CEP68: variants seen among roughly 807,000 people sequenced by gnomAD.
The protein encoded by CEP68 is centrosomal protein of 68 kDa.
Under a neutral mutation model 55.3 loss-of-function variants are expected in CEP68, and 26 were observed. The ratio of observed to expected loss-of-function variants is 0.47; its 90% CI spans 0.34 to 0.65. The LOEUF (loss-of-function observed/expected upper bound fraction) is 0.65. Ranked by LOEUF, CEP68 falls within the 30% of genes least tolerant of loss-of-function variation. The probability of loss-of-function intolerance (pLI) is 0.01; values close to 1 mark genes in which losing one functional copy is unlikely to be tolerated. For synonymous variants in CEP68, 402 were observed against 383.2 expected (o/e 1.05, Z -0.57); for missense variants, 957 against 946.7 (o/e 1.01, Z -0.14).
chr2:65,061,429 C>T (rs1675910207), intron 1 of CEP68, among the ~76,000 whole-genome samples: 1 of 152,238 alleles, frequency 6.6e-6, no homozygotes. Context: ...CTTCCAGAAG[C>T]AGCCCTGGGG....
At chr2:65,062,978 C>A (rs1294955769) in intron 1 of CEP68, among the ~76,000 whole-genome samples, 1 of 152,218 alleles carries the variant, frequency 6.6e-6, no homozygotes, top group African/African-American at 2.4e-5. Context: ...CCTCCTCTCT[C>A]CATCTTGGAC....
In CEP68 at chr2:65,071,622, T is replaced by C; in HGVS notation, c.526T>C (p.Ser176Pro). 6.2e-7 allele frequency: 1 copy of C among 1,614,172 alleles called. No individual in the cohort carries two copies. Among genetic ancestry groups the C allele is most frequent in the Non-Finnish European group, 8.5e-7 (1 of 1,180,034 alleles). Residue 176 changes from serine (S) to proline (P), a missense_variant, in exon 3 of 7, where the codon TCT becomes CCT. Physicochemically the swap from Ser to Pro is moderately conservative, Grantham distance 74. Coordinates refer to ENST00000377990, the MANE Select transcript of CEP68 (RefSeq NM_015147.3). The stretch of plus-strand genomic sequence containing the variant: ...CCAGCAGCCTCACAGCTCAGGTCTC[T>C]CTTGCCTGTCACAGTGGAAGTCCGT... ...LSQQPHSSGL[S>P]CLSQWKSVLS...
At chr2:65,074,934 T>G (rs990687574) in intron 4 of CEP68, 1 of 200,160 alleles carries the variant, frequency 5.0e-6, no homozygotes, top group African/African-American at 2.4e-5. Context: ...TCAGATTTTT[T>G]TATTTGCACT....
rs755715734 is a variant in CEP68, at chr2:65,071,546, T to C, written c.450T>C (p.Asp150=). ...TTTICSGHDA[D]TEDDPSLADL... Reference sequence around the variant, plus strand: ...CTATTTGCTCAGGACATGATGCTGATACCGAAGATGATCCATCCCTAGCAG... The same window carrying C: ...CTATTTGCTCAGGACATGATGCTGACACCGAAGATGATCCATCCCTAGCAG... Residue 150 remains aspartate (D), a synonymous_variant, in exon 3 of 7, where the codon GAT becomes GAC. Transcript: ENST00000377990. 6.2e-7 allele frequency: 1 copy of C among 1,614,204 alleles called. No individual in the cohort carries two copies. The highest frequency in any genetic ancestry group is 2.2e-5 in the East Asian group (1 of 44,884).
intron 2 of CEP68, 37 bp downstream of exon 2, chr2:65,069,838 C>A: frequency 6.5e-7 from 1 of 1,544,856 alleles, no homozygotes; most frequent in Non-Finnish European, 8.9e-7. Context: ...GGACCCATTG[C>A]TGTCCTTTGG....
intron 1 of CEP68, among the ~76,000 whole-genome samples, chr2:65,066,138 A>G (rs1382785414): frequency 6.6e-6 from 1 of 152,142 alleles, no homozygotes; most frequent in East Asian, 1.9e-4. Flanking sequence ...AGGACCATGT[A>G]GTCAGCCCCA....
chr2:65,084,198 CTT>C lies in CEP68; in HGVS notation c.*566_*567del, dbSNP rs1422330814. The C allele has an allele frequency of 2.0e-5, 3 of 152,204 alleles. No homozygotes were observed. Among genetic ancestry groups the C allele is most frequent in the Non-Finnish European group, 4.4e-5 (3 of 68,034 alleles). 9.4% of individuals were successfully genotyped at this position (152,204 alleles called of 1,614,324 possible). Reference sequence around the variant, plus strand: ...TTAAATGAAGCATCTATACAGATGACTTTGGGAGATTATGACACCTTTTGCCA... The same window carrying C: ...TTAAATGAAGCATCTATACAGATGACTGGGAGATTATGACACCTTTTGCCA... On this transcript the variant is annotated 3_prime_UTR_variant, in exon 7 of 7. Transcript: ENST00000377990.
rs1333360913 is a variant in CEP68, at chr2:65,072,332, G to A, written c.1236G>A (p.Glu412=). ...RAPGSRDARW[E]RREPALRGAK... is the part of the protein sequence containing the mutation. Reference sequence around the variant, plus strand: ...CAGGCAGTAGGGATGCTCGTTGGGAGCGCAGAGAGCCAGCCCTGAGGGGTG... The same window carrying A: ...CAGGCAGTAGGGATGCTCGTTGGGAACGCAGAGAGCCAGCCCTGAGGGGTG... Residue 412 remains glutamate (E), a synonymous_variant, in exon 3 of 7, where the codon GAG becomes GAA. Coordinates refer to ENST00000377990, the MANE Select transcript of CEP68 (RefSeq NM_015147.3). The A allele has an allele frequency of 5.0e-6, 8 of 1,614,014 alleles. No individual in the cohort carries two copies. Among genetic ancestry groups the A allele is most frequent in the African/African-American group, 1.3e-5 (1 of 75,042 alleles).
rs773455676 is a variant in CEP68 at position 65,072,029 on chromosome 2, C to A, written c.933C>A (p.Pro311=). 1 of 1,613,484 alleles carries A rather than the reference C, an allele frequency of 6.2e-7. No homozygotes were observed. The highest frequency in any genetic ancestry group is 8.5e-7 in the Non-Finnish European group (1 of 1,179,986). The change falls in exon 3 of 7, where the codon CCC becomes CCA. Residue 311 remains proline, a synonymous_variant. Coordinates refer to ENST00000377990, the MANE Select transcript of CEP68 (RefSeq NM_015147.3). ...TTGACTATACTTACCCACTGAGGCCCGGGCCTCAGCTCCCAAAGCACCTTG... is the reference window on the plus strand; with the variant it reads ...TTGACTATACTTACCCACTGAGGCCAGGGCCTCAGCTCCCAAAGCACCTTG... ...DLLDYTYPLR[P]GPQLPKHLDS... is the part of the protein sequence containing the mutation.
rs895246837 is a variant in CEP68, at chr2:65,086,579, C to T, written c.*2945C>T. Reference sequence around the variant, plus strand: ...TCATCTTAAGTTCATGTAATGTTTCCGCTAACTCACCAAGAATAAGCTGAC... The same window carrying T: ...TCATCTTAAGTTCATGTAATGTTTCTGCTAACTCACCAAGAATAAGCTGAC... On this transcript the variant is annotated 3_prime_UTR_variant, in exon 7 of 7. Coordinates refer to ENST00000377990, the MANE Select transcript of CEP68 (RefSeq NM_015147.3). The T allele has an allele frequency of 3.3e-5, 5 of 151,992 alleles. No individual in the cohort carries two copies. Among genetic ancestry groups the T allele is most frequent in the African/African-American group, 9.7e-5 (4 of 41,350 alleles). 9.4% of individuals were successfully genotyped at this position (151,992 alleles called of 1,614,324 possible). A position where few individuals can be genotyped will look rare whatever the true frequency, so the allele number is the denominator to read the frequency against.
chr2:65,074,956 G>C (rs185400925), intron 4 of CEP68: 16 of 193,846 alleles, frequency 8.3e-5, no homozygotes, highest in Non-Finnish European at 1.7e-4. Flanking sequence ...GCCACATTCT[G>C]CATGTTCAAC....
chr2:65,082,425 T>G, intron 5 of CEP68, 111 bp from the exon 6 acceptor site: 1 of 893,442 alleles, frequency 1.1e-6, no homozygotes, highest in Admixed American at 3.9e-5. Flanking sequence ...TACTGCCAGG[T>G]CCTACTTTGT....
In CEP68 at chr2:65,072,603, T is replaced by A. The variant is rs1306869342; in HGVS notation, c.1507T>A (p.Ser503Thr). ...CCTGGTTTCGTATCTAGGATCCATTTCTACCTTGGTTACCCTGCCCACTGG... is the reference window on the plus strand; with the variant it reads ...CCTGGTTTCGTATCTAGGATCCATTACTACCTTGGTTACCCTGCCCACTGG... The part of the protein sequence containing the change: ...SSLVSYLGSI[S>T]TLVTLPTGDI... Residue 503 changes from serine (S) to threonine (T), a missense_variant, in exon 3 of 7, where the codon TCT becomes ACT. Coordinates refer to ENST00000377990, the MANE Select transcript of CEP68 (RefSeq NM_015147.3). The A allele has an allele frequency of 3.1e-6, 5 of 1,613,998 alleles. No homozygotes were observed. The highest frequency in any genetic ancestry group is 2.7e-5 in the African/African-American group (2 of 74,902).
At chr2:65,060,519 C>G (rs1305084752) in intron 1 of CEP68, among the ~76,000 whole-genome samples, 1 of 151,880 alleles carries the variant, frequency 6.6e-6, no homozygotes, top group African/African-American at 2.4e-5. Flanking sequence ...TGCTTGAGTT[C>G]AGGAGTTTGA....
chr2:65,065,094 C>G (rs925349301), intron 1 of CEP68, among the ~76,000 whole-genome samples: 3 of 152,192 alleles, frequency 2.0e-5, no homozygotes, highest in African/African-American at 7.2e-5. Context: ...GGCTTCGTTT[C>G]CCCATCTGTG....
In CEP68 at chr2:65,076,735, A is replaced by G. The variant is rs112502539; in HGVS notation, c.2008-1133A>G. Among the ~76,000 whole-genome samples the G allele has an allele frequency of 5.3e-3, 809 of 152,276 alleles. 6 individuals are homozygous for G. The highest frequency in any genetic ancestry group is 0.019 in the African/African-American group (773 of 41,552). On this transcript the variant is annotated intron_variant, in intron 4 of 6. Coordinates refer to ENST00000377990, the MANE Select transcript of CEP68 (RefSeq NM_015147.3). ...AGGGTAAAGGAAAACTGAAGACAGG[A>G]AAATAGTAAATCCAAGGGTAAAACT...
intron 1 of CEP68, among the ~76,000 whole-genome samples, chr2:65,067,077 A>T (rs986712864): frequency 1.1e-4 from 15 of 138,926 alleles, no homozygotes; most frequent in Admixed American, 4.3e-4. Flanking sequence ...ACTTTTATGT[A>T]AAAAAAAAAA....
chr2:65,059,267 CT>C (rs1675799254), intron 1 of CEP68, among the ~76,000 whole-genome samples: 3 of 152,222 alleles, frequency 2.0e-5, no homozygotes. Flanking sequence ...CACTGCGTCA[CT>C]TCCAGGTTTT....
chr2:65,081,377 C>G (rs1677008507), intron 5 of CEP68, among the ~76,000 whole-genome samples: 1 of 152,166 alleles, frequency 6.6e-6, no homozygotes, highest in Non-Finnish European at 1.5e-5. Context: ...CCTAGGAGAT[C>G]TCAATACAGC....
Sources: gnomAD v4.1 joint callset for allele counts (sites outside exome capture counted in the v4.1 genomes callset) on GRCh38, gnomAD v4.1.1 for gene constraint, MANE v1.5 for transcripts, NCBI Gene and HGNC (gene_info 2026-07-23, HGNC 2026-07-21) for gene names.